STIL: variants seen among roughly 807,000 people sequenced by gnomAD.
STIL encodes SCL-interrupting locus protein.
A neutral mutation model predicts 110.1 loss-of-function variants in STIL; 55 were observed. The observed-to-expected ratio is 0.50, with a 90% CI of 0.40 to 0.63. The LOEUF (loss-of-function observed/expected upper bound fraction) is 0.63. Ranked by LOEUF, STIL falls within the 20% of genes least tolerant of loss-of-function variation. The probability of loss-of-function intolerance (pLI) is 0.00; values close to 1 mark genes in which losing one functional copy is unlikely to be tolerated. For missense variants in STIL, 1,358 were observed against 1,530.0 expected, an observed-to-expected ratio of 0.89 and a Z score of 1.87; for synonymous variants, 481 against 530.0, an observed-to-expected ratio of 0.91 and a Z score of 1.27.
At chr1:47,299,781 G>A in intron 6 of STIL, 124 bp downstream of exon 6, 1 of 1,032,292 alleles carries the variant, frequency 9.7e-7, no homozygotes, top group Non-Finnish European at 1.4e-6. Context: ...TACTTTCCCT[G>A]GTTATTAACC....
chr1:47,283,616 TATCACCAGTA>T (rs1557743097), intron 10 of STIL: 4 of 152,146 alleles, frequency 2.6e-5, no homozygotes, highest in African/African-American at 9.7e-5. Flanking sequence ...CGTCACCCCA[TATCACCAGTA>T]CTGGCATACC....
chr1:47,272,368 T>G, intron 12 of STIL, 127 bp from the exon 13 acceptor site: 4 of 925,294 alleles, frequency 4.3e-6, no homozygotes, highest in Middle Eastern at 6.1e-4. Context: ...TTTCTCAAAT[T>G]TCAACTAGAC....
At chr1:47,300,730 G>A (rs1645780662) in intron 5 of STIL, among the ~76,000 whole-genome samples, 1 of 152,154 alleles carries the variant, frequency 6.6e-6, no homozygotes, top group Non-Finnish European at 1.5e-5. Context: ...TCAAAGTGCT[G>A]GGATTACAGG....
intron 15 of STIL, among the ~76,000 whole-genome samples, chr1:47,262,231 C>T (rs1213304479): frequency 6.6e-6 from 1 of 152,160 alleles, no homozygotes; most frequent in African/African-American, 2.4e-5. Flanking sequence ...GTTGCCTTCT[C>T]GCAAATGGAC....
chr1:47,263,168 T>C, intron 14 of STIL, 52 bp from the exon 15 acceptor site: 4 of 1,518,726 alleles, frequency 2.6e-6, no homozygotes, highest in Non-Finnish European at 3.6e-6. Flanking sequence ...AACATATAAT[T>C]GAAATGTAGT....
rs1032985111 is a variant in STIL, at chr1:47,250,989, T to C, written c.*147A>G. 1.0e-5 allele frequency: 7 copies of C among 699,442 alleles called. No homozygotes were observed. In the African/African-American group the frequency reaches 1.3e-4, roughly 13 times the overall value. 43.3% of individuals were successfully genotyped at this position (699,442 alleles called of 1,614,324 possible). A position where few individuals can be genotyped will look rare whatever the true frequency, so the allele number is the denominator to read the frequency against. On this transcript the variant is annotated 3_prime_UTR_variant, in exon 17 of 17. Transcript: ENST00000371877. ...ACTTAGTCCTATCACCAGCCAGCCATCTCACAGAAGTCACTCTTCCCAATT... is the reference window on the plus strand; with the variant it reads ...ACTTAGTCCTATCACCAGCCAGCCACCTCACAGAAGTCACTCTTCCCAATT...
At position 47,291,679 on chromosome 1, in the gene STIL, C is replaced by T. The variant is rs149490979; in HGVS notation, c.872+1779G>A. Among the ~76,000 whole-genome samples the T allele has an allele frequency of 2.0e-4, 30 of 152,148 alleles. 1 individual carries two copies. In the East Asian group the frequency reaches 5.8e-3, roughly 29 times the overall value. On this transcript the variant is annotated intron_variant, in intron 8 of 16. Transcript: ENST00000371877. ...CTCCTGGGTGCAAGTGATTCTCCTGCCTCAACCTCCCGAGCAGCTGGGATT... is the reference window on the plus strand; with the variant it reads ...CTCCTGGGTGCAAGTGATTCTCCTGTCTCAACCTCCCGAGCAGCTGGGATT...
At chr1:47,297,180 A>G (rs2149149181) in intron 6 of STIL, among the ~76,000 whole-genome samples, 1 of 152,118 alleles carries the variant, frequency 6.6e-6, no homozygotes, top group African/African-American at 2.4e-5. Flanking sequence ...CATCTCTACT[A>G]AAAATACAAA....
At chr1:47,270,247 TATATATATACACAC>T (rs1254972467) in intron 13 of STIL, among the ~76,000 whole-genome samples, 37 of 97,820 alleles carry the variant, frequency 3.8e-4, no homozygotes, top group African/African-American at 1.6e-3. Flanking sequence ...AAAAAATATA[TATATATATACACAC>T]ACACACACAC....
chr1:47,259,515 T>C (rs2148712212), intron 16 of STIL, among the ~76,000 whole-genome samples: 1 of 151,660 alleles, frequency 6.6e-6, no homozygotes, highest in African/African-American at 2.4e-5. Context: ...GGTCTCGAAC[T>C]CCTGACCTCA....
chr1:47,271,180 T>C (rs961452991), intron 13 of STIL, among the ~76,000 whole-genome samples: 5 of 152,192 alleles, frequency 3.3e-5, no homozygotes. Context: ...TATTAATCTG[T>C]ATAACACCCT....
chr1:47,305,744 T>TTC (rs1645941422), intron 2 of STIL, among the ~76,000 whole-genome samples: 1 of 125,500 alleles, frequency 8.0e-6, no homozygotes, highest in African/African-American at 3.1e-5. Context: ...TTTTTTTTTT[T>TTC]TTTTTTCAGA....
rs747241600 is a variant in STIL at position 47,251,696 on chromosome 1, T to C, written c.3307A>G (p.Arg1103Gly). 6.2e-7 allele frequency: 1 copy of C among 1,614,258 alleles called. No homozygotes were observed. Among genetic ancestry groups the C allele is most frequent in the South Asian group, 1.1e-5 (1 of 91,086 alleles). The part of the protein sequence containing the change: ...PFSLLHINTD[R>G]STVGLSLISP... ...ATTAAACTAAGCCCCACTGTGCTTC[T>C]GTCTGTATTAATATGGAGAAGGCTG... The change falls in exon 17 of 17, where the codon AGA becomes GGA. Residue 1103 changes from arginine (R) to glycine (G), a missense_variant. Arg to Gly is a moderately radical substitution (Grantham distance 125, BLOSUM62 -2). Transcript: ENST00000371877.
intron 3 of STIL, among the ~76,000 whole-genome samples, chr1:47,303,290 C>T (rs1409783590): frequency 2.0e-5 from 3 of 152,132 alleles, no homozygotes; most frequent in East Asian, 1.9e-4. Context: ...GAGGGCCAGG[C>T]GTGGTGGCAC....
intron 16 of STIL, among the ~76,000 whole-genome samples, chr1:47,257,726 T>C (rs1325008781): frequency 1.3e-5 from 2 of 152,224 alleles, no homozygotes; most frequent in East Asian, 3.8e-4. Context: ...TCCTATGTGA[T>C]TCCATGGCAT....
intron 14 of STIL, among the ~76,000 whole-genome samples, chr1:47,264,466 C>A (rs970471966): frequency 1.3e-5 from 2 of 152,030 alleles, no homozygotes; most frequent in Admixed American, 1.3e-4. Context: ...ATTAGGTATG[C>A]CCAAAGCACA....
chr1:47,276,426 A>G (rs1440630806), intron 12 of STIL, among the ~76,000 whole-genome samples: 2 of 152,118 alleles, frequency 1.3e-5, no homozygotes, highest in African/African-American at 4.8e-5. Flanking sequence ...ATATATATAT[A>G]TATGAATGAT....
chr1:47,310,151 T>C, intron 2 of STIL, 125 bp downstream of exon 2: 1 of 813,898 alleles, frequency 1.2e-6, no homozygotes. Flanking sequence ...TAACAAGTGG[T>C]AGAGCTAGGA....
intron 14 of STIL, among the ~76,000 whole-genome samples, chr1:47,266,793 C>A (rs1041995184): frequency 2.0e-5 from 3 of 152,126 alleles, no homozygotes; most frequent in East Asian, 1.9e-4. Flanking sequence ...CAGTTCTCCA[C>A]GAAACAATTA....
Sources: gnomAD v4.1 joint callset for allele counts (sites outside exome capture counted in the v4.1 genomes callset) on GRCh38, gnomAD v4.1.1 for gene constraint, MANE v1.5 for transcripts, NCBI Gene and HGNC (gene_info 2026-07-23, HGNC 2026-07-21) for gene names.